The following SGCZ variants were observed in gnomAD, a reference collection of about 807,000 sequenced individuals.
The protein encoded by SGCZ is sarcoglycan zeta.
Under a neutral mutation model 41.3 loss-of-function variants are expected in SGCZ, and 40 were observed. The observed-to-expected ratio is 0.97, with a 90% CI of 0.75 to 1.26. The LOEUF (loss-of-function observed/expected upper bound fraction) is 1.26. Ranked by LOEUF, SGCZ falls within the 50% of genes most tolerant of loss-of-function variation. The pLI is 0.00. For synonymous variants in SGCZ, 206 were observed against 137.5 expected (o/e 1.50, Z -3.49); for missense variants, 552 against 369.8 (o/e 1.49, Z -4.04).
intron 1 of SGCZ, among the ~76,000 whole-genome samples, chr8:14,626,616 C>T (rs1444693909): frequency 1.3e-5 from 2 of 151,946 alleles, no homozygotes; most frequent in Non-Finnish European, 2.9e-5. Flanking sequence ...GACTGGTGTC[C>T]TCATAAAAAG....
In SGCZ at chr8:14,672,168, C is replaced by T. The variant is rs559440335; in HGVS notation, c.40-117242G>A. 3.3e-5 allele frequency among the ~76,000 whole-genome samples: 5 copies of T among 152,180 alleles called. No homozygotes were observed. The South Asian group carries it at 6.2e-4, about 19-fold the overall frequency. On this transcript the variant is annotated intron_variant, in intron 1 of 7. Transcript: ENST00000382080. ...CCTTCTAAATGCCATGAATAGGTTA[C>T]GTACAAACTATACCACTCATCTGGC... is the stretch of plus-strand genomic sequence containing the variant.
intron 1 of SGCZ, among the ~76,000 whole-genome samples, chr8:15,178,013 G>T (rs1255083512): frequency 6.6e-6 from 1 of 152,048 alleles, no homozygotes; most frequent in East Asian, 1.9e-4. Flanking sequence ...ACCTCTACCT[G>T]TAAGCCCCAT....
chr8:14,780,643 G>C (rs1044343809), intron 1 of SGCZ, among the ~76,000 whole-genome samples: 9 of 151,812 alleles, frequency 5.9e-5, no homozygotes, highest in Non-Finnish European at 1.0e-4. Context: ...CTCTAAGAAG[G>C]GAGCTGATCA....
intron 1 of SGCZ, among the ~76,000 whole-genome samples, chr8:15,010,251 A>G (rs576297565): frequency 3.3e-5 from 5 of 152,344 alleles, no homozygotes; most frequent in African/African-American, 9.6e-5. Flanking sequence ...TAATTTAAAT[A>G]ATTCTTAATT....
At chr8:14,276,918 A>G (rs1317305477) in intron 3 of SGCZ, among the ~76,000 whole-genome samples, 1 of 152,154 alleles carries the variant, frequency 6.6e-6, no homozygotes, top group Admixed American at 6.5e-5. Flanking sequence ...CAAGTAACCA[A>G]TGGAAACCCC....
intron 1 of SGCZ, among the ~76,000 whole-genome samples, chr8:14,740,830 G>A (rs1007585094): frequency 9.2e-5 from 14 of 152,004 alleles, no homozygotes; most frequent in African/African-American, 3.4e-4. Context: ...ACAGGTAGAT[G>A]TAAGGGCAAA....
chr8:14,948,084 G>C (rs1050408033), intron 1 of SGCZ, among the ~76,000 whole-genome samples: 1 of 152,192 alleles, frequency 6.6e-6, no homozygotes, highest in African/African-American at 2.4e-5. Flanking sequence ...AGGAGGTACA[G>C]GGTTAAGGAG....
intron 3 of SGCZ, among the ~76,000 whole-genome samples, chr8:14,249,569 G>T (rs950005080): frequency 1.3e-5 from 2 of 152,182 alleles, no homozygotes; most frequent in East Asian, 1.9e-4. Flanking sequence ...GAGACACTAT[G>T]ATTTCGCATA....
intron 1 of SGCZ, among the ~76,000 whole-genome samples, chr8:14,580,072 C>T (rs941997210): frequency 6.6e-6 from 1 of 152,088 alleles, no homozygotes; most frequent in African/African-American, 2.4e-5. Flanking sequence ...TACTGCTACC[C>T]AACACAAAGA....
At chr8:14,841,960 A>C (rs1273013977) in intron 1 of SGCZ, among the ~76,000 whole-genome samples, 1 of 152,178 alleles carries the variant, frequency 6.6e-6, no homozygotes, top group African/African-American at 2.4e-5. Flanking sequence ...CAGAGTACTT[A>C]TTCAGTACAG....
intron 2 of SGCZ, among the ~76,000 whole-genome samples, chr8:14,430,119 C>T (rs1031365751): frequency 1.3e-5 from 2 of 151,746 alleles, no homozygotes; most frequent in African/African-American, 4.8e-5. Flanking sequence ...GCAAGACATT[C>T]AAAGAATTGA....
chr8:14,319,115 T>C (rs1306351512), intron 3 of SGCZ, among the ~76,000 whole-genome samples: 1 of 151,940 alleles, frequency 6.6e-6, no homozygotes, highest in Non-Finnish European at 1.5e-5. Flanking sequence ...TGACCTAACA[T>C]AAGAATTATT....
intron 1 of SGCZ, among the ~76,000 whole-genome samples, chr8:15,216,093 T>G (rs1801390065): frequency 6.6e-6 from 1 of 152,154 alleles, no homozygotes; most frequent in Non-Finnish European, 1.5e-5. Flanking sequence ...TCTACTCTGA[T>G]ACCCATTACT....
At chr8:14,371,916 T>A (rs973332596) in intron 2 of SGCZ, among the ~76,000 whole-genome samples, 1 of 152,048 alleles carries the variant, frequency 6.6e-6, no homozygotes, top group East Asian at 1.9e-4. Flanking sequence ...GAGATCAATA[T>A]AGGCTGGAAT....
chr8:14,574,226 G>A (rs1426791909), intron 1 of SGCZ, among the ~76,000 whole-genome samples: 2 of 152,038 alleles, frequency 1.3e-5, no homozygotes, highest in East Asian at 3.9e-4. Flanking sequence ...ACTCCAAAAC[G>A]AAGGCCTCTG....
intron 1 of SGCZ, among the ~76,000 whole-genome samples, chr8:15,099,860 A>G (rs559392152): frequency 1.3e-5 from 2 of 152,168 alleles, no homozygotes; most frequent in Non-Finnish European, 2.9e-5. Flanking sequence ...TTACATGATC[A>G]TATCAATAAA....
At chr8:14,876,775 G>T (rs995767257) in intron 1 of SGCZ, among the ~76,000 whole-genome samples, 3 of 152,204 alleles carry the variant, frequency 2.0e-5, no homozygotes, top group East Asian at 1.9e-4. Flanking sequence ...GAATTAGGAA[G>T]GAGAAATTAT....
chr8:15,205,781 T>C (rs1801040190), intron 1 of SGCZ, among the ~76,000 whole-genome samples: 1 of 152,154 alleles, frequency 6.6e-6, no homozygotes, highest in Non-Finnish European at 1.5e-5. Flanking sequence ...CAGAGGAATG[T>C]ACATCATTTT....
chr8:14,327,800 G>C (rs1172457079), intron 2 of SGCZ, among the ~76,000 whole-genome samples: 1 of 152,078 alleles, frequency 6.6e-6, no homozygotes, highest in Non-Finnish European at 1.5e-5. Context: ...TGTTTGTTTT[G>C]AGATGGAGTC....
Sources: allele counts gnomAD v4.1 joint callset (sites outside exome capture counted in the v4.1 genomes callset), GRCh38; gene constraint gnomAD v4.1.1; transcripts MANE v1.5; gene names NCBI Gene and HGNC (gene_info 2026-07-23, HGNC 2026-07-21).